The following ACTC1 variants were observed in gnomAD, a reference collection of about 807,000 sequenced individuals.
ACTC1 encodes actin, alpha cardiac muscle 1.
A neutral mutation model predicts 31.6 loss-of-function variants in ACTC1; 10 were observed. The observed-to-expected ratio is 0.32, with a 90% CI of 0.19 to 0.54. The LOEUF is 0.54. ACTC1 is among the 20% of genes least tolerant of loss of function. The probability of loss-of-function intolerance (pLI) is 0.95; values close to 1 mark genes in which losing one functional copy is unlikely to be tolerated. For synonymous variants in ACTC1, 196 were observed against 185.0 expected, an observed-to-expected ratio of 1.06 and a Z score of -0.48; for missense variants, 129 against 506.4, an observed-to-expected ratio of 0.25 and a Z score of 7.15.
intron 1 of ACTC1, among the ~76,000 whole-genome samples, chr15:34,795,051 G>A (rs150409296): frequency 1.3e-5 from 2 of 152,274 alleles, no homozygotes; most frequent in Non-Finnish European, 2.9e-5. Context: ...ATCCACCCAG[G>A]CTCCCTGGCC....
Position 34,792,593 on chromosome 15 carries a change from C to T in ACTC1, c.455-24G>A. The stretch of plus-strand genomic sequence containing the variant: ...GCCTGCCCGGGGAAGTAGACAAGAA[C>T]AAGGTAAATTCCTGAGGACAACACC... On this transcript the variant is annotated intron_variant, in intron 3 of 6. Coordinates refer to ENST00000290378, the MANE Select transcript of ACTC1 (RefSeq NM_005159.5). This position sits in a 1 kb window ranked among gnomAD's most constrained non-coding sequence, Gnocchi z 5.3. 1 of 1,614,066 alleles carries T rather than the reference C, an allele frequency of 6.2e-7. No individual in the cohort carries two copies. The highest frequency in any genetic ancestry group is 8.5e-7 in the Non-Finnish European group (1 of 1,179,970).
chr15:34,794,593 G>C (rs1334976695), intron 2 of ACTC1, 87 bp downstream of exon 2: 2 of 1,494,112 alleles, frequency 1.3e-6, no homozygotes, highest in East Asian at 4.8e-5. Flanking sequence ...AGAGTTCATC[G>C]AACAAGAGGG....
At chr15:34,794,329 T>C (rs11629614) in intron 2 of ACTC1, among the ~76,000 whole-genome samples, 1,963 of 152,236 alleles carry the variant, frequency 0.013, 12 homozygotes, top group Non-Finnish European at 0.022. Context: ...GGTGATATTG[T>C]TAGAAGTTTT....
chr15:34,790,561 G>T lies in ACTC1; in HGVS notation c.991-6C>A. On this transcript the variant is annotated splice_region_variant and splice_polypyrimidine_tract_variant and intron_variant, in intron 6 of 6. Coordinates refer to ENST00000290378, the MANE Select transcript of ACTC1 (RefSeq NM_005159.5). ...CGCTCAGGGGGAGCAATAATCTGCA[G>T]AAAGAAAACAAAAACTTCCAGTGAA... 1 of 1,612,810 alleles carries T rather than the reference G, an allele frequency of 6.2e-7. No homozygotes were observed. Among genetic ancestry groups the T allele is most frequent in the Non-Finnish European group, 8.5e-7 (1 of 1,179,460 alleles).
At position 34,793,327 on chromosome 15, in the gene ACTC1, G is replaced by C. The variant is rs397517061; in HGVS notation, c.372C>G (p.Ile124Met). The change falls in exon 3 of 7, where the codon ATC becomes ATG. Residue 124 changes from isoleucine (I) to methionine (M), a missense_variant. By Grantham distance (10) the Ile-to-Met change is conservative. This residue lies in a region of ACTC1 where 37 missense variants were observed against 228.6 expected (regional missense o/e 0.16). Transcript: ENST00000290378. This position sits in a 1 kb window ranked among gnomAD's most constrained non-coding sequence, Gnocchi z 4.8. ...PKANREKMTQ[I>M]MFETFNVPAM... ...CAGGGACATTGAAGGTCTCAAACAT[G>C]ATCTGAGTCATCTTCTCCCGGTTGG... 1.2e-6 allele frequency: 2 copies of C among 1,614,204 alleles called. No homozygotes were observed. The highest frequency in any genetic ancestry group is 1.7e-6 in the Non-Finnish European group (2 of 1,180,038).
At position 34,792,331 on chromosome 15, in the gene ACTC1, T is replaced by G. The variant is rs771632205; in HGVS notation, c.617-50A>C. 6.2e-7 allele frequency: 1 copy of G among 1,613,844 alleles called. No homozygotes were observed. Among genetic ancestry groups the G allele is most frequent in the Non-Finnish European group, 8.5e-7 (1 of 1,179,822 alleles). On this transcript the variant is annotated intron_variant, in intron 4 of 6. Coordinates refer to ENST00000290378, the MANE Select transcript of ACTC1 (RefSeq NM_005159.5). The surrounding 1 kb of genome is among the most constrained non-coding windows in gnomAD (Gnocchi z 5.3). ...TCATGCTCTGAAGCAAGAAGTCAAT[T>G]ATAGGGAGGTAGGCGGATTCAGTGA...
intron 2 of ACTC1, among the ~76,000 whole-genome samples, chr15:34,794,235 G>A (rs1566967955): frequency 1.3e-5 from 2 of 152,256 alleles, no homozygotes; most frequent in Non-Finnish European, 2.9e-5. Flanking sequence ...GAAGGAGATA[G>A]ATTGATTACA....
At chr15:34,794,165 A>G (rs7166484) in intron 2 of ACTC1, among the ~76,000 whole-genome samples, 83,451 of 151,942 alleles carry the variant, frequency 0.55, 23,865 homozygotes, top group African/African-American at 0.73. Flanking sequence ...GTGGTATGTC[A>G]CTATCACCAT....
rs138347995 is a variant in ACTC1, at chr15:34,791,201, T to G, written c.903A>C (p.Leu301Phe). The change falls in exon 6 of 7, where the codon TTA (leucine) becomes TTC (phenylalanine). Residue 301 changes from leucine (L) to phenylalanine (F), a missense_variant. Leu to Phe is a conservative substitution (Grantham distance 22, BLOSUM62 0). Around this residue, in one of 5 missense-constraint regions of ACTC1, gnomAD observed 44 missense variants for 127.4 expected, o/e 0.35. Transcript: ENST00000290378. ...CAGGGTACATAGTGGTGCCTCCAGA[T>G]AAGACATTGTTGGCATACAGGTCCT... The part of the protein sequence containing the change: ...IRKDLYANNV[L>F]SGGTTMYPGI... The G allele has an allele frequency of 6.2e-7, 1 of 1,614,066 alleles. No individual in the cohort carries two copies. The highest frequency in any genetic ancestry group is 1.1e-5 in the South Asian group (1 of 91,074).
intron 6 of ACTC1, 121 bp downstream of exon 6, chr15:34,790,993 G>C: frequency 1.0e-6 from 1 of 956,702 alleles, no homozygotes; most frequent in Non-Finnish European, 1.5e-6. Flanking sequence ...TGGTAGAAAA[G>C]CTAACAGGTA....
In ACTC1 at chr15:34,792,608, A is replaced by G; in HGVS notation, c.455-39T>C. The G allele has an allele frequency of 6.2e-7, 1 of 1,612,534 alleles. No individual in the cohort carries two copies. Among genetic ancestry groups the G allele is most frequent in the South Asian group, 1.1e-5 (1 of 91,046 alleles). ...TAGACAAGAACAAGGTAAATTCCTG[A>G]GGACAACACCACTGCTCTAGCCACG... On this transcript the variant is annotated intron_variant, in intron 3 of 6. Coordinates refer to ENST00000290378, the MANE Select transcript of ACTC1 (RefSeq NM_005159.5). This position sits in a 1 kb window ranked among gnomAD's most constrained non-coding sequence, Gnocchi z 5.3.
chr15:34,793,567 T>G lies in ACTC1; in HGVS notation c.132A>C (p.Gly44=), dbSNP rs774244503. The part of the protein sequence containing the change: ...PSIVGRPRHQ[G]VMVGMGQKDS... ...CCTTCTGACCCATACCCACCATAAC[T>G]CCCTATGAGAAGAAAAAATGAGAAA... Residue 44 remains glycine (G), a splice_region_variant and synonymous_variant, in exon 3 of 7, where the codon GGA becomes GGC. Coordinates refer to ENST00000290378, the MANE Select transcript of ACTC1 (RefSeq NM_005159.5). The surrounding 1 kb of genome is among the most constrained non-coding windows in gnomAD (Gnocchi z 4.8). 3 of 1,613,534 alleles carry G rather than the reference T, an allele frequency of 1.9e-6. No individual in the cohort carries two copies.
In ACTC1 at chr15:34,793,952, C is replaced by T. The variant is rs1891760082; in HGVS notation, c.130-383G>A. 6.6e-6 allele frequency among the ~76,000 whole-genome samples: 1 copy of T among 152,174 alleles called. No homozygotes were observed. Among genetic ancestry groups the T allele is most frequent in the Non-Finnish European group, 1.5e-5 (1 of 68,030 alleles). On this transcript the variant is annotated intron_variant, in intron 2 of 6. Transcript: ENST00000290378. This position sits in a 1 kb window ranked among gnomAD's most constrained non-coding sequence, Gnocchi z 4.8. The stretch of plus-strand genomic sequence containing the variant: ...TGAATTAATGACACATTGTATTTCT[C>T]CTAAGAAAAAGATTTTGACATTCAA...
Position 34,792,726 on chromosome 15 carries a change from C to T in ACTC1, c.455-157G>A, listed in dbSNP as rs371590770. The T allele has an allele frequency of 4.2e-5, 33 of 778,252 alleles. No individual in the cohort carries two copies. The highest frequency in any genetic ancestry group is 2.7e-4 in the Middle Eastern group (1 of 3,742). 48.2% of individuals were successfully genotyped at this position (778,252 alleles called of 1,614,324 possible). Reference sequence around the variant, plus strand: ...TCCTTACACACAAAGAATAAAAATGCGCATCAGGAATACTAAATCTGAAGC... The same window carrying T: ...TCCTTACACACAAAGAATAAAAATGTGCATCAGGAATACTAAATCTGAAGC... On this transcript the variant is annotated intron_variant, in intron 3 of 6. Coordinates refer to ENST00000290378, the MANE Select transcript of ACTC1 (RefSeq NM_005159.5). The surrounding 1 kb of genome is among the most constrained non-coding windows in gnomAD (Gnocchi z 5.3).
intron 5 of ACTC1, chr15:34,791,724 A>C (rs1468354638): frequency 4.9e-5 from 18 of 366,202 alleles, no homozygotes; most frequent in Non-Finnish European, 6.6e-5. Context: ...TATTAATATG[A>C]GTAGGAATGT....
Position 34,792,066 on chromosome 15 carries a change from T to G in ACTC1, c.808+24A>C. The G allele has an allele frequency of 6.2e-7, 1 of 1,613,702 alleles. No homozygotes were observed. Among genetic ancestry groups the G allele is most frequent in the Non-Finnish European group, 8.5e-7 (1 of 1,179,862 alleles). On this transcript the variant is annotated intron_variant, in intron 5 of 6. Transcript: ENST00000290378. The surrounding 1 kb of genome is among the most constrained non-coding windows in gnomAD (Gnocchi z 5.3). ...TAAGATTTCCAGGGAAAATCGTGCCTCTGCACCAGACCCTACAACTCACCA... is the reference window on the plus strand; with the variant it reads ...TAAGATTTCCAGGGAAAATCGTGCCGCTGCACCAGACCCTACAACTCACCA...
At chr15:34,791,085 C>G (rs531195437) in intron 6 of ACTC1, 29 bp downstream of exon 6, 2 of 1,564,154 alleles carry the variant, frequency 1.3e-6, no homozygotes. Flanking sequence ...AGACTTGCCT[C>G]GGATCTCCCA....
chr15:34,790,699 G>A, intron 6 of ACTC1, 144 bp from the exon 7 acceptor site: 2 of 857,286 alleles, frequency 2.3e-6, no homozygotes, highest in South Asian at 3.0e-5. Context: ...AAATAATGTG[G>A]CCAATCAAGT....
In ACTC1 at chr15:34,793,454, T is replaced by C; in HGVS notation, c.245A>G (p.Asp82Gly). Residue 82 changes from aspartate (D) to glycine (G), a missense_variant, in exon 3 of 7, where the codon GAC (aspartate) becomes GGC (glycine). Coordinates refer to ENST00000290378, the MANE Select transcript of ACTC1 (RefSeq NM_005159.5). The surrounding 1 kb of genome is among the most constrained non-coding windows in gnomAD (Gnocchi z 4.8). ...PIEHGIITNW[D>G]DMEKIWHHTF... is the part of the protein sequence containing the mutation. ...GTGGTGCCAGATCTTCTCCATGTCGTCCCAGTTGGTGATGATACCATGCTC... is the reference window on the plus strand; with the variant it reads ...GTGGTGCCAGATCTTCTCCATGTCGCCCCAGTTGGTGATGATACCATGCTC... 1 of 1,614,126 alleles carries C rather than the reference T, an allele frequency of 6.2e-7. No individual in the cohort carries two copies. Among genetic ancestry groups the C allele is most frequent in the Non-Finnish European group, 8.5e-7 (1 of 1,180,006 alleles).
Sources: allele counts gnomAD v4.1 joint callset (sites outside exome capture counted in the v4.1 genomes callset), GRCh38; gene constraint gnomAD v4.1.1; regional missense constraint gnomAD v4.1.1; non-coding constraint Gnocchi (gnomAD v3.1); transcripts MANE v1.5; gene names NCBI Gene and HGNC (gene_info 2026-07-23, HGNC 2026-07-21).